CCDC3: variants seen among roughly 807,000 people sequenced by gnomAD.
The protein encoded by CCDC3 is coiled-coil domain containing 3.
Under a neutral mutation model 21.4 loss-of-function variants are expected in CCDC3, and 24 were observed. The observed-to-expected ratio is 1.12, with a 90% CI of 0.81 to 1.58. The LOEUF (loss-of-function observed/expected upper bound fraction) is 1.58. CCDC3 is among the 40% of genes most tolerant of loss of function. The pLI, the probability that CCDC3 is intolerant of heterozygous loss-of-function variation, is 0.00. For missense variants in CCDC3, 425 were observed against 360.9 expected (o/e 1.18, Z -1.44); for synonymous variants, 186 against 166.0 (o/e 1.12, Z -0.93).
chr10:13,096,183 C>G (rs1832627346), intron 3 of CCDC3, among the ~76,000 whole-genome samples: 1 of 71,388 alleles, frequency 1.4e-5, no homozygotes, highest in South Asian at 5.8e-4. Context: ...TTCCTTCTCT[C>G]TCTCTCTCTC....
chr10:12,978,303 G>A (rs941152406), intron 2 of CCDC3, among the ~76,000 whole-genome samples: 5 of 152,180 alleles, frequency 3.3e-5, no homozygotes, highest in African/African-American at 1.2e-4. Context: ...ACAGGCATGC[G>A]CCACCGCACC....
rs1835849660 is a variant in CCDC3 at position 13,001,314 on chromosome 10, G to A, written c.257C>T (p.Ala86Val). The A allele has an allele frequency of 1.2e-6, 2 of 1,606,114 alleles. No individual in the cohort carries two copies. Among genetic ancestry groups the A allele is most frequent in the African/African-American group, 2.7e-5 (2 of 74,876 alleles). The change falls in exon 1 of 3, where the codon GCG becomes GTG. Residue 86 changes from alanine to valine, a missense_variant. Coordinates refer to ENST00000378825, the MANE Select transcript of CCDC3 (RefSeq NM_031455.4). ...SAEVEMLCDQ[A>V]WGSMLEVPAG... is the part of the protein sequence containing the mutation. ...GGGCACCTCCAGCATGCTGCCCCAC[G>A]CCTGGTCGCACAGCATCTCGACCTC...
At chr10:13,066,653 C>T (rs1836822587) in intron 4 of CCDC3, among the ~76,000 whole-genome samples, 1 of 152,160 alleles carries the variant, frequency 6.6e-6, no homozygotes, top group Non-Finnish European at 1.5e-5. Context: ...GAACCTCCGA[C>T]CCACCCCACA....
At chr10:13,062,873 A>T (rs12261949) in intron 4 of CCDC3, among the ~76,000 whole-genome samples, 1 of 151,572 alleles carries the variant, frequency 6.6e-6, no homozygotes, top group Non-Finnish European at 1.5e-5. Flanking sequence ...TTGATGGATC[A>T]TCTGACACTA....
intron 2 of CCDC3, among the ~76,000 whole-genome samples, chr10:12,931,319 T>C (rs1834638606): frequency 6.6e-6 from 1 of 152,136 alleles, no homozygotes; most frequent in South Asian, 2.1e-4. Context: ...TTTTAATTTC[T>C]AATTAACTAT....
intron 4 of CCDC3, among the ~76,000 whole-genome samples, chr10:13,050,338 C>T (rs909222697): frequency 6.6e-6 from 1 of 151,992 alleles, no homozygotes; most frequent in African/African-American, 2.4e-5. Context: ...CAGCAGGAGG[C>T]AGGTGTCGAC....
intron 2 of CCDC3, among the ~76,000 whole-genome samples, chr10:12,958,664 C>T (rs1345805921): frequency 6.6e-6 from 1 of 152,164 alleles, no homozygotes; most frequent in African/African-American, 2.4e-5. Context: ...CTGACAGGAC[C>T]AGGCCCAATT....
At chr10:13,066,175 T>A (rs566026894) in intron 4 of CCDC3, among the ~76,000 whole-genome samples, 131 of 152,100 alleles carry the variant, frequency 8.6e-4, no homozygotes, top group African/African-American at 3.0e-3. Flanking sequence ...TTTTTTTTTT[T>A]AGACAGGGTC....
intron 4 of CCDC3, among the ~76,000 whole-genome samples, chr10:13,064,889 G>T (rs1186505587): frequency 6.6e-6 from 1 of 152,032 alleles, no homozygotes; most frequent in African/African-American, 2.4e-5. Context: ...AGAGACAAAT[G>T]GTTACATCCT....
intron 2 of CCDC3, among the ~76,000 whole-genome samples, chr10:12,900,952 T>C (rs1834083599): frequency 6.6e-6 from 1 of 152,166 alleles, no homozygotes; most frequent in Admixed American, 6.5e-5. Flanking sequence ...CGATAGCCGA[T>C]AGCCCTAAGC....
chr10:12,900,523 A>C (rs1834076011), intron 2 of CCDC3, among the ~76,000 whole-genome samples: 1 of 2,664 alleles, frequency 3.8e-4, no homozygotes, highest in African/African-American at 9.7e-4. Context: ...CTAAAAATAC[A>C]AAAAAAAAAA....
chr10:13,000,785 C>A (rs1250780825), intron 1 of CCDC3, among the ~76,000 whole-genome samples: 1 of 152,146 alleles, frequency 6.6e-6, no homozygotes, highest in African/African-American at 2.4e-5. Context: ...TCAAGAAATG[C>A]GCTCAGAATC....
intron 2 of CCDC3, among the ~76,000 whole-genome samples, chr10:12,959,317 G>A (rs1227038332): frequency 2.6e-5 from 4 of 151,972 alleles, no homozygotes; most frequent in South Asian, 4.2e-4. Context: ...ATAGGTGCCC[G>A]CCAGCATGCC....
chr10:12,950,719 G>A (rs1834995457), intron 2 of CCDC3, among the ~76,000 whole-genome samples: 1 of 152,172 alleles, frequency 6.6e-6, no homozygotes, highest in Non-Finnish European at 1.5e-5. Context: ...CCTCGCCCAT[G>A]TCAGAAACCC....
chr10:12,999,037 C>T (rs574638514), intron 1 of CCDC3, among the ~76,000 whole-genome samples: 2 of 152,184 alleles, frequency 1.3e-5, no homozygotes, highest in South Asian at 2.1e-4. Flanking sequence ...GTCAGGAGTT[C>T]GAGACCAGCC....
At chr10:12,923,205 T>C (rs1367601124) in intron 2 of CCDC3, among the ~76,000 whole-genome samples, 3 of 152,182 alleles carry the variant, frequency 2.0e-5, no homozygotes, top group Non-Finnish European at 2.9e-5. Flanking sequence ...TGGGTGCTGT[T>C]CGTCTGTTTG....
At chr10:13,030,648 T>G (rs1836287679) in intron 5 of CCDC3, among the ~76,000 whole-genome samples, 1 of 151,534 alleles carries the variant, frequency 6.6e-6, no homozygotes, top group South Asian at 2.1e-4. Flanking sequence ...TGGAGGAAGA[T>G]CTACCAAGCA....
intron 2 of CCDC3, among the ~76,000 whole-genome samples, chr10:12,908,587 T>C (rs1393937772): frequency 6.6e-6 from 1 of 151,810 alleles, no homozygotes; most frequent in Non-Finnish European, 1.5e-5. Context: ...AAATCACAGA[T>C]TCTTGGCTAA....
chr10:12,966,871 G>T (rs1442874466), intron 2 of CCDC3, among the ~76,000 whole-genome samples: 1 of 152,204 alleles, frequency 6.6e-6, no homozygotes, highest in Non-Finnish European at 1.5e-5. Context: ...GTTCAAAACA[G>T]TTTCCCGTAT....
Sources: gnomAD v4.1 joint callset for allele counts (sites outside exome capture counted in the v4.1 genomes callset) on GRCh38, gnomAD v4.1.1 for gene constraint, MANE v1.5 for transcripts, NCBI Gene and HGNC (gene_info 2026-07-23, HGNC 2026-07-21) for gene names.